Variants in DIP2B observed in about 807,000 individuals in gnomAD.
DIP2B encodes the protein DIP2 acetate--CoA ligase B (putative).
DIP2B carries 76 observed loss-of-function variants against 198.0 expected under a neutral mutation model. That is an observed-to-expected ratio of 0.38 (90% CI 0.32 to 0.46). The LOEUF (loss-of-function observed/expected upper bound fraction) is 0.46, where lower values mean the gene tolerates loss of function less well. Among genes scored for constraint, DIP2B ranks in the 20% least tolerant of loss-of-function variants. The pLI, the probability that DIP2B is intolerant of heterozygous loss-of-function variation, is 0.99. For synonymous variants in DIP2B, 701 were observed against 739.1 expected, an observed-to-expected ratio of 0.95 and a Z score of 0.84; for missense variants, 1,559 against 1,978.4, an observed-to-expected ratio of 0.79 and a Z score of 4.02.
Position 50,717,133 on chromosome 12 carries a change from T to TG in DIP2B, c.2852-1572dup, listed in dbSNP as rs1939739083. 2.0e-5 allele frequency among the ~76,000 whole-genome samples: 3 copies of TG among 151,366 alleles called. No individual in the cohort carries two copies. In the South Asian group the frequency reaches 6.3e-4, roughly 32 times the overall value. On this transcript the variant is annotated intron_variant, in intron 23 of 37. Transcript: ENST00000301180. ...CTAATTTTTGTATTTTTAGTAGAGATGGGGTTTTGCCATGTTGGCCAGGCT... is the reference window on the plus strand; with the variant it reads ...CTAATTTTTGTATTTTTAGTAGAGATGGGGGTTTTGCCATGTTGGCCAGGCT...
intron 4 of DIP2B, among the ~76,000 whole-genome samples, chr12:50,664,505 C>A (rs1296027760): frequency 6.6e-6 from 1 of 152,110 alleles, no homozygotes; most frequent in Non-Finnish European, 1.5e-5. Context: ...AAATCATTTA[C>A]TAATGTCATG....
intron 3 of DIP2B, among the ~76,000 whole-genome samples, chr12:50,647,209 C>G (rs1438475386): frequency 1.3e-5 from 2 of 152,004 alleles, no homozygotes; most frequent in Admixed American, 1.3e-4. Context: ...CCTGTCATGC[C>G]TGGATGATTT....
chr12:50,569,105 TC>T (rs920598397), intron 1 of DIP2B, among the ~76,000 whole-genome samples: 2 of 151,732 alleles, frequency 1.3e-5, no homozygotes, highest in African/African-American at 4.8e-5. Flanking sequence ...TTTTTTTTTT[TC>T]ACCACAGCTC....
intron 1 of DIP2B, among the ~76,000 whole-genome samples, chr12:50,555,560 T>C (rs1958463355): frequency 1.3e-5 from 2 of 152,192 alleles, no homozygotes; most frequent in Admixed American, 1.3e-4. Context: ...CTCATTCTGC[T>C]ATCTCTGACT....
chr12:50,724,931 C>T, intron 28 of DIP2B, 45 bp downstream of exon 28: 1 of 1,547,670 alleles, frequency 6.5e-7, no homozygotes, highest in Non-Finnish European at 8.9e-7. Flanking sequence ...TGAGAGCTCA[C>T]AATACCTGAG....
chr12:50,548,944 T>G lies in DIP2B; in HGVS notation c.100+43704T>G, dbSNP rs530270256. On this transcript the variant is annotated intron_variant, in intron 1 of 37. Transcript: ENST00000301180. ...GTTCAGAAAATGTGCAGTTTTCTAG[T>G]GTTGCAGTAATGTGTGTTCAGGTTT... 3.2e-4 allele frequency among the ~76,000 whole-genome samples: 49 copies of G among 152,336 alleles called. 1 individual carries two copies. Among genetic ancestry groups the G allele is most frequent in the Admixed American group, 2.4e-3 (36 of 15,304 alleles).
In DIP2B at chr12:50,640,727, C is replaced by T; in HGVS notation, c.176C>T (p.Thr59Ile). ...TCTTTTAAACTTCCTTTTTTAGAAA[C>T]TGATTCAGCAGTACAGAAAGAACTT... is the stretch of plus-strand genomic sequence containing the variant. Reference protein sequence around the residue: ...LSPYSPQTQETDSAVQKELRN... With the variant: ...LSPYSPQTQEIDSAVQKELRN... The change falls in exon 3 of 38, where the codon ACT becomes ATT. Residue 59 changes from threonine (T) to isoleucine (I), a missense_variant. Coordinates refer to ENST00000301180, the MANE Select transcript of DIP2B (RefSeq NM_173602.3). The T allele has an allele frequency of 1.2e-6, 2 of 1,611,646 alleles. No homozygotes were observed. The highest frequency in any genetic ancestry group is 1.7e-6 in the Non-Finnish European group (2 of 1,179,100).
intron 1 of DIP2B, among the ~76,000 whole-genome samples, chr12:50,545,115 G>C (rs1318689873): frequency 6.6e-6 from 1 of 152,090 alleles, no homozygotes; most frequent in Non-Finnish European, 1.5e-5. Flanking sequence ...CGAATGTTTT[G>C]TATATGTTTT....
intron 1 of DIP2B, among the ~76,000 whole-genome samples, chr12:50,583,561 T>C (rs1386843600): frequency 6.6e-6 from 1 of 152,186 alleles, no homozygotes; most frequent in African/African-American, 2.4e-5. Flanking sequence ...TACGAAGGTG[T>C]GGAAGTGATA....
chr12:50,645,799 T>C (rs1337378694), intron 3 of DIP2B, among the ~76,000 whole-genome samples: 1 of 152,096 alleles, frequency 6.6e-6, no homozygotes, highest in Non-Finnish European at 1.5e-5. Context: ...AGACAGTATG[T>C]AGCATATAAT....
chr12:50,645,133 T>C (rs900063602), intron 3 of DIP2B, among the ~76,000 whole-genome samples: 3 of 152,184 alleles, frequency 2.0e-5, no homozygotes, highest in Admixed American at 1.3e-4. Context: ...AATTGTATAA[T>C]CAGTATAAAT....
chr12:50,533,848 C>A (rs987302117), intron 1 of DIP2B, among the ~76,000 whole-genome samples: 2 of 151,992 alleles, frequency 1.3e-5, no homozygotes, highest in Admixed American at 1.3e-4. Flanking sequence ...TTTCAGCCAC[C>A]CAAAGTGCTG....
At chr12:50,694,654 CTTTTTT>C (rs371524388) in intron 14 of DIP2B, among the ~76,000 whole-genome samples, 1 of 131,212 alleles carries the variant, frequency 7.6e-6, no homozygotes, top group Non-Finnish European at 1.6e-5. Flanking sequence ...ACCCCTGTCT[CTTTTTT>C]TTTTTTTTTT....
At chr12:50,697,675 A>G (rs1483811644) in intron 17 of DIP2B, among the ~76,000 whole-genome samples, 2 of 149,994 alleles carry the variant, frequency 1.3e-5, no homozygotes, top group Non-Finnish European at 3.0e-5. Flanking sequence ...GACTACAGGC[A>G]TGTACCACCA....
At chr12:50,543,450 A>G (rs1298664263) in intron 1 of DIP2B, among the ~76,000 whole-genome samples, 1 of 151,822 alleles carries the variant, frequency 6.6e-6, no homozygotes, top group African/African-American at 2.4e-5. Flanking sequence ...CCATCACGCC[A>G]GCTAATTTTT....
At chr12:50,531,760 T>C (rs1333830924) in intron 1 of DIP2B, among the ~76,000 whole-genome samples, 1 of 152,190 alleles carries the variant, frequency 6.6e-6, no homozygotes, top group Admixed American at 6.5e-5. Context: ...CTAGGATATA[T>C]ACACATTCAT....
At chr12:50,711,467 C>G (rs980860557) in intron 22 of DIP2B, among the ~76,000 whole-genome samples, 2 of 152,188 alleles carry the variant, frequency 1.3e-5, no homozygotes, top group African/African-American at 4.8e-5. Context: ...GCCAGACTTT[C>G]CATTTCCCAG....
intron 26 of DIP2B, among the ~76,000 whole-genome samples, chr12:50,722,253 G>A (rs140255535): frequency 7.0e-6 from 1 of 143,068 alleles, no homozygotes; most frequent in East Asian, 2.1e-4. Context: ...TTGTTTGTTT[G>A]TTTATTTTAT....
intron 19 of DIP2B, among the ~76,000 whole-genome samples, chr12:50,703,500 A>G (rs1939459103): frequency 6.6e-6 from 1 of 152,250 alleles, no homozygotes; most frequent in Admixed American, 6.5e-5. Context: ...GAAAAATTAT[A>G]ATGGCCTATC....
Sources: allele counts gnomAD v4.1 joint callset (sites outside exome capture counted in the v4.1 genomes callset), GRCh38; gene constraint gnomAD v4.1.1; transcripts MANE v1.5; gene names NCBI Gene and HGNC (gene_info 2026-07-23, HGNC 2026-07-21).